The following DDX10 variants were observed in gnomAD, a reference collection of about 807,000 sequenced individuals.
The protein encoded by DDX10 is DEAD-box helicase 10.
In DDX10, 74 loss-of-function variants were observed where a neutral mutation model predicts 104.3. The observed-to-expected ratio is 0.71, with a 90% CI of 0.59 to 0.86. The LOEUF (loss-of-function observed/expected upper bound fraction) is 0.86. Among genes scored for constraint, DDX10 ranks in the 40% least tolerant of loss-of-function variants. The pLI, the probability that DDX10 is intolerant of heterozygous loss-of-function variation, is 0.00. For missense variants in DDX10, 952 were observed against 1,040.0 expected (o/e 0.92, Z 1.16); for synonymous variants, 351 against 353.4 (o/e 0.99, Z 0.08).
chr11:108,866,118 G>A (rs1274376438), intron 16 of DDX10, among the ~76,000 whole-genome samples: 1 of 152,130 alleles, frequency 6.6e-6, no homozygotes, highest in African/African-American at 2.4e-5. Context: ...ACCTGCTTGT[G>A]TGTAGTGGAT....
chr11:108,680,127 T>A (rs2094232609), intron 6 of DDX10, among the ~76,000 whole-genome samples: 1 of 152,240 alleles, frequency 6.6e-6, no homozygotes, highest in Admixed American at 6.5e-5. Flanking sequence ...TTGTTTTGTC[T>A]TGGTCTCATT....
chr11:108,909,662 G>C (rs137930748), intron 16 of DDX10, among the ~76,000 whole-genome samples: 37 of 152,304 alleles, frequency 2.4e-4, no homozygotes, highest in African/African-American at 8.7e-4. Flanking sequence ...ACTGGCCACT[G>C]GTGTCCGAAG....
At chr11:108,748,477 T>C (rs1223627209) in intron 13 of DDX10, among the ~76,000 whole-genome samples, 1 of 152,182 alleles carries the variant, frequency 6.6e-6, no homozygotes, top group Admixed American at 6.5e-5. Flanking sequence ...TGCAGAATAT[T>C]CATTCGTTAG....
At chr11:108,681,464 C>T (rs896439312) in intron 6 of DDX10, among the ~76,000 whole-genome samples, 52 of 152,136 alleles carry the variant, frequency 3.4e-4, no homozygotes, top group Admixed American at 3.3e-3. Context: ...AGCAGATGCT[C>T]TTAGGAATTT....
intron 16 of DDX10, among the ~76,000 whole-genome samples, chr11:108,905,886 G>T (rs1863589740): frequency 6.6e-6 from 1 of 152,084 alleles, no homozygotes; most frequent in Non-Finnish European, 1.5e-5. Context: ...AGAGAAGTGG[G>T]GTGAAGTGAC....
At chr11:108,697,062 A>G (rs1367268231) in intron 9 of DDX10, among the ~76,000 whole-genome samples, 2 of 152,174 alleles carry the variant, frequency 1.3e-5, no homozygotes, top group Non-Finnish European at 2.9e-5. Flanking sequence ...TTGTGTCTGA[A>G]GAGAGAGAAT....
At chr11:108,680,850 A>G (rs937967764) in intron 6 of DDX10, among the ~76,000 whole-genome samples, 1 of 152,206 alleles carries the variant, frequency 6.6e-6, no homozygotes, top group Non-Finnish European at 1.5e-5. Flanking sequence ...CGAAGAGGCC[A>G]GATTCTTTGC....
intron 13 of DDX10, among the ~76,000 whole-genome samples, chr11:108,823,875 C>G (rs1376216936): frequency 6.6e-6 from 1 of 152,154 alleles, no homozygotes; most frequent in Admixed American, 6.5e-5. Flanking sequence ...TTTTGATGCT[C>G]TCCCATTTTG....
chr11:108,790,945 G>T (rs919482038), intron 13 of DDX10, among the ~76,000 whole-genome samples: 1 of 152,166 alleles, frequency 6.6e-6, no homozygotes, highest in South Asian at 2.1e-4. Flanking sequence ...ATCCAATGTG[G>T]TTGGTTGTCT....
At chr11:108,894,679 A>G (rs542241099) in intron 16 of DDX10, among the ~76,000 whole-genome samples, 9 of 151,998 alleles carry the variant, frequency 5.9e-5, no homozygotes, top group Non-Finnish European at 1.3e-4. Flanking sequence ...AAAACGTTAA[A>G]AATGGTATTT....
chr11:108,704,845 GA>G (rs1249745750), intron 9 of DDX10, among the ~76,000 whole-genome samples: 1 of 152,180 alleles, frequency 6.6e-6, no homozygotes, highest in Non-Finnish European at 1.5e-5. Flanking sequence ...AAGTAGGTGT[GA>G]AGAAGATGAA....
intron 16 of DDX10, 37 bp from the exon 17 acceptor site, chr11:108,917,835 CT>C (rs1565318376): frequency 6.2e-7 from 1 of 1,601,714 alleles, no homozygotes; most frequent in Admixed American, 1.7e-5. Context: ...TATCAACTGA[CT>C]TCTTCAACTG....
chr11:108,739,249 C>T (rs1200295181), intron 13 of DDX10, among the ~76,000 whole-genome samples: 2 of 152,190 alleles, frequency 1.3e-5, no homozygotes, highest in African/African-American at 2.4e-5. Flanking sequence ...TTGTCGGCTT[C>T]TCCCAAACGA....
intron 11 of DDX10, 97 bp from the exon 12 acceptor site, chr11:108,719,689 GTTTTTCAGTAC>G (rs1248724089): frequency 6.4e-6 from 4 of 627,114 alleles, no homozygotes; most frequent in African/African-American, 3.8e-5. Flanking sequence ...CTATTTCGTG[GTTTTTCAGTAC>G]TATTGAATTT....
At chr11:108,868,236 T>C (rs372490239) in intron 16 of DDX10, 1 of 152,048 alleles carries the variant, frequency 6.6e-6, no homozygotes, top group East Asian at 1.9e-4. Context: ...TTATCTCCAT[T>C]TTTCAGATGA....
intron 13 of DDX10, among the ~76,000 whole-genome samples, chr11:108,828,531 C>CT (rs370567170): frequency 4.9e-4 from 74 of 151,236 alleles, no homozygotes; most frequent in Middle Eastern, 3.4e-3. Flanking sequence ...TCCACATTTT[C>CT]TTTTTTTTTG....
At chr11:108,785,219 G>C (rs150812796) in intron 13 of DDX10, among the ~76,000 whole-genome samples, 3 of 152,122 alleles carry the variant, frequency 2.0e-5, no homozygotes, top group African/African-American at 4.8e-5. Context: ...TTTACATGGC[G>C]AATCACATTT....
rs1413493419 is a variant in DDX10 at position 108,723,210 on chromosome 11, C to T, written c.1713C>T (p.His571=). ...GAAAAAGACTCGAAGGGACAGAGCACAGACAGGATAATGATACTGGTAATG... is the reference window on the plus strand; with the variant it reads ...GAAAAAGACTCGAAGGGACAGAGCATAGACAGGATAATGATACTGGTAATG... The part of the protein sequence containing the change: ...KGGKRLEGTE[H]RQDNDTGNEE... The change falls in exon 13 of 18, where the codon CAC becomes CAT. Residue 571 remains histidine (H), a synonymous_variant. Coordinates refer to ENST00000322536, the MANE Select transcript of DDX10 (RefSeq NM_004398.4). The T allele has an allele frequency of 6.2e-7, 1 of 1,613,612 alleles. No homozygotes were observed. Among genetic ancestry groups the T allele is most frequent in the Non-Finnish European group, 8.5e-7 (1 of 1,179,848 alleles).
intron 17 of DDX10, among the ~76,000 whole-genome samples, chr11:108,937,339 T>C (rs1049646342): frequency 6.6e-6 from 1 of 152,092 alleles, no homozygotes; most frequent in Non-Finnish European, 1.5e-5. Context: ...TCTGAAAAAA[T>C]TAAAATGGTG....
Sources: gnomAD v4.1 joint callset for allele counts (sites outside exome capture counted in the v4.1 genomes callset) on GRCh38, gnomAD v4.1.1 for gene constraint, MANE v1.5 for transcripts, NCBI Gene and HGNC (gene_info 2026-07-23, HGNC 2026-07-21) for gene names.